NFIB: variants seen among roughly 807,000 people sequenced by gnomAD.
NFIB encodes nuclear factor 1 B-type.
A neutral mutation model predicts 61.5 loss-of-function variants in NFIB; 11 were observed. That is an observed-to-expected ratio of 0.18 (90% CI 0.11 to 0.30). The LOEUF is 0.30. Ranked by LOEUF, NFIB falls within the 10% of genes least tolerant of loss-of-function variation. The probability of loss-of-function intolerance (pLI) is 1.00; values close to 1 mark genes in which losing one functional copy is unlikely to be tolerated. For synonymous variants in NFIB, 260 were observed against 216.5 expected (o/e 1.20, Z -1.76); for missense variants, 471 against 608.9 (o/e 0.77, Z 2.38).
At chr9:14,174,528 G>A (rs1324265415) in intron 3 of NFIB, among the ~76,000 whole-genome samples, 3 of 152,102 alleles carry the variant, frequency 2.0e-5, no homozygotes, top group Non-Finnish European at 4.4e-5. Flanking sequence ...AGCACTTTGG[G>A]AGGCTGAGGC....
the NFIB span, among the ~76,000 whole-genome samples, chr9:14,514,843 C>T: frequency 6.6e-6 from 1 of 152,042 alleles, no homozygotes; most frequent in African/African-American, 2.4e-5. Flanking sequence ...CCAAATGAAC[C>T]AGAATCACAG....
intron 9 of NFIB, 47 bp from the exon 10 acceptor site, chr9:14,113,128 G>C (rs1465393679): frequency 6.6e-7 from 1 of 1,508,882 alleles, no homozygotes. Context: ...TGAACTATCA[G>C]AACGAACACC....
intron 2 of NFIB, among the ~76,000 whole-genome samples, chr9:14,277,437 C>T (rs569556915): frequency 6.6e-6 from 1 of 152,030 alleles, no homozygotes; most frequent in African/African-American, 2.4e-5. Context: ...TGGTGTTTTG[C>T]CAAATTATGT....
chr9:14,299,301 A>C (rs1183984893), intron 2 of NFIB, among the ~76,000 whole-genome samples: 1 of 152,180 alleles, frequency 6.6e-6, no homozygotes, highest in Non-Finnish European at 1.5e-5. Flanking sequence ...AAAACAGTTC[A>C]TCTTCATTCA....
chr9:14,521,442 C>A, the NFIB span, among the ~76,000 whole-genome samples: 4 of 152,152 alleles, frequency 2.6e-5, no homozygotes, highest in African/African-American at 4.8e-5. Context: ...CATTATCAGC[C>A]GAGTAAGCTT....
At chr9:14,093,280 T>G (rs1174851046) in intron 10 of NFIB, among the ~76,000 whole-genome samples, 2 of 152,124 alleles carry the variant, frequency 1.3e-5, no homozygotes, top group Non-Finnish European at 2.9e-5. Context: ...ATGAAATGTC[T>G]AAGTATCCAG....
intron 2 of NFIB, among the ~76,000 whole-genome samples, chr9:14,213,565 G>A (rs971443062): frequency 6.6e-6 from 1 of 152,148 alleles, no homozygotes; most frequent in Non-Finnish European, 1.5e-5. Flanking sequence ...CTGGTCGTGG[G>A]ACCAAACTTT....
At chr9:14,496,410 C>G in the NFIB span, among the ~76,000 whole-genome samples, 1 of 152,134 alleles carries the variant, frequency 6.6e-6, no homozygotes, top group Non-Finnish European at 1.5e-5. Context: ...ACTTGTGGCA[C>G]CATGTTGGTG....
chr9:14,418,194 A>G, the NFIB span, among the ~76,000 whole-genome samples: 5 of 152,126 alleles, frequency 3.3e-5, no homozygotes, highest in African/African-American at 1.2e-4. Context: ...CTTTATTCAC[A>G]TCTTCTCGTC....
chr9:14,322,337 G>A, intron 1 of NFIB: 1 of 257,378 alleles, frequency 3.9e-6, no homozygotes, highest in Non-Finnish European at 7.4e-6. Flanking sequence ...GTGCATGTAT[G>A]TGTGTGTGTG....
At chr9:14,328,102 C>T (rs1478005762) in intron 1 of NFIB, among the ~76,000 whole-genome samples, 2 of 152,140 alleles carry the variant, frequency 1.3e-5, no homozygotes, top group African/African-American at 4.8e-5. Flanking sequence ...AAGTCACTGC[C>T]TCTGCTTTTT....
chr9:14,184,978 G>A (rs377574851), intron 2 of NFIB, among the ~76,000 whole-genome samples: 3 of 152,188 alleles, frequency 2.0e-5, no homozygotes, highest in East Asian at 1.9e-4. Flanking sequence ...AGCCAAGATC[G>A]GCTCATGTAT....
chr9:14,446,838 T>A, the NFIB span, among the ~76,000 whole-genome samples: 1 of 152,196 alleles, frequency 6.6e-6, no homozygotes, highest in African/African-American at 2.4e-5. Flanking sequence ...ATCATCATTT[T>A]AACAATCTTA....
chr9:14,280,990 A>G (rs1179566888), intron 2 of NFIB, among the ~76,000 whole-genome samples: 2 of 152,232 alleles, frequency 1.3e-5, no homozygotes, highest in Admixed American at 6.5e-5. Flanking sequence ...CATAAGTTAC[A>G]TAGCTCTTTG....
At chr9:14,348,199 A>G (rs536249064) in intron 1 of NFIB, among the ~76,000 whole-genome samples, 2 of 152,316 alleles carry the variant, frequency 1.3e-5, no homozygotes, top group South Asian at 4.1e-4. Context: ...ACTGTGCGCC[A>G]GGGGAAGGCA....
intron 2 of NFIB, among the ~76,000 whole-genome samples, chr9:14,294,090 A>C (rs2059271203): frequency 6.6e-6 from 1 of 152,232 alleles, no homozygotes; most frequent in Non-Finnish European, 1.5e-5. Context: ...GATTAATTGT[A>C]GGCCCTAATG....
At chr9:14,142,471 A>T (rs1411423140) in intron 6 of NFIB, among the ~76,000 whole-genome samples, 1 of 152,134 alleles carries the variant, frequency 6.6e-6, no homozygotes, top group Non-Finnish European at 1.5e-5. Context: ...ATGGACTAAC[A>T]CACTGAGCAA....
chr9:14,306,747 C>T (rs141092995), intron 2 of NFIB, among the ~76,000 whole-genome samples: 21 of 152,246 alleles, frequency 1.4e-4, no homozygotes, highest in Non-Finnish European at 2.4e-4. Context: ...TACTTGAAAA[C>T]GCACCTCTTT....
intron 1 of NFIB, among the ~76,000 whole-genome samples, chr9:14,310,474 A>G (rs969754428): frequency 6.6e-6 from 1 of 152,216 alleles, no homozygotes; most frequent in Admixed American, 6.5e-5. Flanking sequence ...CTGTTTCCTA[A>G]TGCTGAGTAA....
Sources: allele counts gnomAD v4.1 joint callset (sites outside exome capture counted in the v4.1 genomes callset), GRCh38; gene constraint gnomAD v4.1.1; transcripts MANE v1.5; gene names NCBI Gene and HGNC (gene_info 2026-07-23, HGNC 2026-07-21).